The following MOB3B variants were observed in gnomAD, a reference collection of about 807,000 sequenced individuals.
The protein encoded by MOB3B is MOB kinase activator-like 2B.
In MOB3B, 7 loss-of-function variants were observed where a neutral mutation model predicts 18.7. The observed-to-expected ratio is 0.37, with a 90% CI of 0.21 to 0.70. The LOEUF is 0.70. Among genes scored for constraint, MOB3B ranks in the 30% least tolerant of loss-of-function variants. The pLI is 0.52. For synonymous variants in MOB3B, 111 were observed against 99.9 expected (o/e 1.11, Z -0.66); for missense variants, 253 against 281.3 (o/e 0.90, Z 0.72).
intron 2 of MOB3B, among the ~76,000 whole-genome samples, chr9:27,383,020 G>A (rs1821601372): frequency 6.6e-6 from 1 of 152,196 alleles, no homozygotes; most frequent in Admixed American, 6.6e-5. Flanking sequence ...GAGTTTAGCA[G>A]GGAAAAGAAT....
At chr9:27,345,057 A>T (rs1005447241) in intron 3 of MOB3B, among the ~76,000 whole-genome samples, 49 of 152,252 alleles carry the variant, frequency 3.2e-4, no homozygotes, top group African/African-American at 1.1e-3. Context: ...GTAGGCCAGC[A>T]ATGGTGATCC....
chr9:27,411,219 G>A (rs145589968), intron 2 of MOB3B, among the ~76,000 whole-genome samples: 2 of 152,296 alleles, frequency 1.3e-5, no homozygotes, highest in East Asian at 1.9e-4. Flanking sequence ...AAGGCACATC[G>A]TTTTCTCAGT....
At chr9:27,475,840 A>G (rs1587242678) in intron 1 of MOB3B, among the ~76,000 whole-genome samples, 1 of 152,136 alleles carries the variant, frequency 6.6e-6, no homozygotes, top group African/African-American at 2.4e-5. Flanking sequence ...TCTTGTCCAC[A>G]CCACCAGATT....
At chr9:27,360,689 G>A (rs1291277810) in intron 2 of MOB3B, among the ~76,000 whole-genome samples, 2 of 152,196 alleles carry the variant, frequency 1.3e-5, no homozygotes, top group Non-Finnish European at 2.9e-5. Context: ...TGTCTGGTGA[G>A]ACACTGTAAT....
intron 1 of MOB3B, among the ~76,000 whole-genome samples, chr9:27,475,038 A>T (rs939441313): frequency 6.6e-6 from 1 of 152,144 alleles, no homozygotes; most frequent in African/African-American, 2.4e-5. Context: ...TTCTGAGATT[A>T]GCTTATAAAA....
At chr9:27,364,121 G>A (rs567915297) in intron 2 of MOB3B, among the ~76,000 whole-genome samples, 3 of 152,278 alleles carry the variant, frequency 2.0e-5, no homozygotes, top group East Asian at 3.9e-4. Flanking sequence ...AAAGAATCCA[G>A]CTCAGCAATT....
chr9:27,501,089 A>T (rs1203424715), intron 1 of MOB3B, among the ~76,000 whole-genome samples: 1 of 152,242 alleles, frequency 6.6e-6, no homozygotes. Flanking sequence ...AACATTAAAA[A>T]GTCAGGAAAC....
At chr9:27,411,148 G>A (rs781352609) in intron 2 of MOB3B, among the ~76,000 whole-genome samples, 1 of 152,174 alleles carries the variant, frequency 6.6e-6, no homozygotes, top group Non-Finnish European at 1.5e-5. Context: ...CCTAGATATG[G>A]CAGATGGGGT....
In MOB3B at chr9:27,326,392, T is replaced by C. The variant is rs545198650; in HGVS notation, c.*4195A>G. ...ATGCAAATAAAGCTCTGATTAATTG[T>C]ATTTTCACTTATTATATATCATCTT... On this transcript the variant is annotated 3_prime_UTR_variant, in exon 4 of 4. Transcript: ENST00000262244. 4 of 398,476 alleles carry C rather than the reference T, an allele frequency of 1.0e-5. No homozygotes were observed. Among genetic ancestry groups the C allele is most frequent in the African/African-American group, 8.2e-5 (4 of 48,762 alleles). The allele number at this position is 398,476 out of a possible 1,614,324, so 24.7% of individuals were successfully genotyped here. A position where few individuals can be genotyped will look rare whatever the true frequency, so the allele number is the denominator to read the frequency against.
intron 2 of MOB3B, among the ~76,000 whole-genome samples, chr9:27,427,049 G>A (rs1015849240): frequency 6.6e-6 from 1 of 152,146 alleles, no homozygotes; most frequent in Non-Finnish European, 1.5e-5. Context: ...GCAGAGCAAG[G>A]GCTACATGCT....
intron 1 of MOB3B, among the ~76,000 whole-genome samples, chr9:27,494,729 G>C (rs550894293): frequency 6.6e-6 from 1 of 151,976 alleles, no homozygotes; most frequent in African/African-American, 2.4e-5. Flanking sequence ...TGGCCAGGCT[G>C]GTCTCGAACT....
At chr9:27,524,798 C>G in intron 1 of MOB3B, 1 of 1,613,964 alleles carries the variant, frequency 6.2e-7, no homozygotes. Context: ...AAGCCAGGGT[C>G]CCCCAGCTGA....
intron 3 of MOB3B, among the ~76,000 whole-genome samples, chr9:27,354,038 GC>G (rs1005061999): frequency 1.3e-5 from 2 of 152,214 alleles, no homozygotes; most frequent in Non-Finnish European, 2.9e-5. Context: ...GTGTCAGTGT[GC>G]CAGGCTCCCC....
At chr9:27,476,467 T>C (rs1819554476) in intron 1 of MOB3B, among the ~76,000 whole-genome samples, 1 of 152,216 alleles carries the variant, frequency 6.6e-6, no homozygotes, top group Non-Finnish European at 1.5e-5. Flanking sequence ...TATCTCCAAA[T>C]TTTCCCTTTT....
At chr9:27,343,835 A>G (rs911961330) in intron 3 of MOB3B, among the ~76,000 whole-genome samples, 2 of 152,088 alleles carry the variant, frequency 1.3e-5, no homozygotes, top group Non-Finnish European at 2.9e-5. Context: ...TTCAAGAGAA[A>G]TAAAGCAAGA....
At chr9:27,522,268 A>AAAG (rs1820347826) in intron 1 of MOB3B, among the ~76,000 whole-genome samples, 9 of 130,868 alleles carry the variant, frequency 6.9e-5, no homozygotes, top group African/African-American at 2.3e-4. Flanking sequence ...AAAAAAAAAG[A>AAAG]AAAGAAAGAA....
intron 1 of MOB3B, among the ~76,000 whole-genome samples, chr9:27,505,660 C>A (rs1420443794): frequency 1.3e-5 from 2 of 152,200 alleles, no homozygotes; most frequent in Admixed American, 1.3e-4. Flanking sequence ...ACCTCTCAGG[C>A]CCTCTTGAAA....
chr9:27,342,818 ACCT>A (rs1291001529), intron 3 of MOB3B, among the ~76,000 whole-genome samples: 1 of 150,888 alleles, frequency 6.6e-6, no homozygotes, highest in African/African-American at 2.4e-5. Flanking sequence ...GCTCGCTACA[ACCT>A]CCACCTCCCA....
intron 2 of MOB3B, among the ~76,000 whole-genome samples, chr9:27,444,140 G>C (rs916207751): frequency 1.9e-4 from 28 of 146,912 alleles, no homozygotes; most frequent in African/African-American, 6.8e-4. Flanking sequence ...GAGAGAGAGA[G>C]AAAGAAGAAG....
Sources: gnomAD v4.1 joint callset for allele counts (sites outside exome capture counted in the v4.1 genomes callset) on GRCh38, gnomAD v4.1.1 for gene constraint, MANE v1.5 for transcripts, NCBI Gene and HGNC (gene_info 2026-07-23, HGNC 2026-07-21) for gene names.